The following LHFPL3 variants were observed in gnomAD, a reference collection of about 807,000 sequenced individuals.
LHFPL3 encodes LHFPL tetraspan subfamily member 3, also known as LHFPL tetraspan subfamily member 3 protein.
Under a neutral mutation model 19.3 loss-of-function variants are expected in LHFPL3, and 5 were observed. The observed-to-expected ratio is 0.26, with a 90% confidence interval of 0.14 to 0.54. The LOEUF (loss-of-function observed/expected upper bound fraction) is 0.54. Ranked by LOEUF, LHFPL3 falls within the 20% of genes least tolerant of loss-of-function variation. LHFPL3 has a pLI of 0.94. For missense variants in LHFPL3, 249 were observed against 307.4 expected (o/e 0.81, Z 1.42); for synonymous variants, 133 against 126.2 (o/e 1.05, Z -0.36).
At chr7:104,468,416 G>A (rs927947761) in intron 1 of LHFPL3, among the ~76,000 whole-genome samples, 1 of 152,224 alleles carries the variant, frequency 6.6e-6, no homozygotes, top group African/African-American at 2.4e-5. Flanking sequence ...CAGCTTGGGA[G>A]GCAGGTTGGC....
intron 1 of LHFPL3, among the ~76,000 whole-genome samples, chr7:104,735,862 T>C (rs1261761835): frequency 1.3e-5 from 2 of 152,244 alleles, no homozygotes; most frequent in African/African-American, 4.8e-5. Flanking sequence ...ACACTTTCTT[T>C]ATCAGTTCAT....
chr7:104,863,069 G>A (rs1791646818), intron 2 of LHFPL3, among the ~76,000 whole-genome samples: 2 of 152,190 alleles, frequency 1.3e-5, no homozygotes. Context: ...TTCATATTTA[G>A]CTTAATGAGC....
At chr7:104,698,251 G>A (rs1793033790) in intron 1 of LHFPL3, among the ~76,000 whole-genome samples, 1 of 152,154 alleles carries the variant, frequency 6.6e-6, no homozygotes, top group South Asian at 2.1e-4. Context: ...CAAAACAATA[G>A]CTTTTATTAT....
intron 1 of LHFPL3, among the ~76,000 whole-genome samples, chr7:104,732,209 G>C (rs1319672107): frequency 6.6e-6 from 1 of 152,182 alleles, no homozygotes; most frequent in Non-Finnish European, 1.5e-5. Context: ...TCCCTGCCAG[G>C]CTTTGGTATC....
intron 1 of LHFPL3, among the ~76,000 whole-genome samples, chr7:104,380,465 C>A (rs556174217): frequency 6.6e-6 from 1 of 152,124 alleles, no homozygotes; most frequent in South Asian, 2.1e-4. Flanking sequence ...AAACAAAAAA[C>A]CTCCAGGGCT....
intron 1 of LHFPL3, among the ~76,000 whole-genome samples, chr7:104,362,037 C>T (rs1790397787): frequency 6.6e-6 from 1 of 152,198 alleles, no homozygotes; most frequent in African/African-American, 2.4e-5. Flanking sequence ...CAGAAATGCT[C>T]CTGGACTTTT....
chr7:104,614,534 A>C (rs1381613648), intron 1 of LHFPL3, among the ~76,000 whole-genome samples: 1 of 151,952 alleles, frequency 6.6e-6, no homozygotes, highest in Admixed American at 6.6e-5. Context: ...ACTTTCTTCC[A>C]AATTCCTCCA....
At chr7:104,858,959 TTA>T (rs1791562178) in intron 2 of LHFPL3, among the ~76,000 whole-genome samples, 1 of 61,474 alleles carries the variant, frequency 1.6e-5, no homozygotes, top group Admixed American at 1.9e-4. Context: ...AAAATTTTAT[TTA>T]AAAAAAAAAA....
At chr7:104,575,264 G>A (rs79849138) in intron 1 of LHFPL3, among the ~76,000 whole-genome samples, 1 of 152,176 alleles carries the variant, frequency 6.6e-6, no homozygotes, top group East Asian at 1.9e-4. Context: ...TCAAACTATT[G>A]CTGTTTCCAC....
At chr7:104,903,622 T>G (rs1386526385) in intron 2 of LHFPL3, among the ~76,000 whole-genome samples, 5 of 152,054 alleles carry the variant, frequency 3.3e-5, no homozygotes. Flanking sequence ...CCTGCCACCA[T>G]GCCTAGCTAA....
chr7:104,814,845 CTG>C (rs1410982603), intron 2 of LHFPL3, among the ~76,000 whole-genome samples: 4 of 152,240 alleles, frequency 2.6e-5, no homozygotes, highest in African/African-American at 9.6e-5. Flanking sequence ...TGACTTTACT[CTG>C]AGATCAGAGC....
chr7:104,585,517 A>ACACACACACACACACACACACACC, intron 1 of LHFPL3, among the ~76,000 whole-genome samples: 1 of 151,196 alleles, frequency 6.6e-6, no homozygotes, highest in Non-Finnish European at 1.5e-5. Flanking sequence ...ACACACACAC[A>ACACACACACACACACACACACACC]CACACGGCCT....
intron 2 of LHFPL3, among the ~76,000 whole-genome samples, chr7:104,886,721 T>C (rs1483368254): frequency 6.6e-6 from 1 of 152,232 alleles, no homozygotes; most frequent in Non-Finnish European, 1.5e-5. Context: ...CCTCAAAAAT[T>C]ATACATTCAC....
At chr7:104,846,015 A>G (rs2116602783) in intron 2 of LHFPL3, among the ~76,000 whole-genome samples, 1 of 152,342 alleles carries the variant, frequency 6.6e-6, no homozygotes, top group East Asian at 1.9e-4. Flanking sequence ...ATGCGATGGA[A>G]ACACGTATAT....
intron 1 of LHFPL3, among the ~76,000 whole-genome samples, chr7:104,385,500 G>A (rs1790921781): frequency 1.3e-5 from 2 of 152,154 alleles, no homozygotes; most frequent in Non-Finnish European, 2.9e-5. Flanking sequence ...GCTGGATTTG[G>A]CACCAGAGTA....
intron 2 of LHFPL3, among the ~76,000 whole-genome samples, chr7:104,828,478 CAA>C (rs1491212912): frequency 6.6e-6 from 1 of 151,960 alleles, no homozygotes; most frequent in Non-Finnish European, 1.5e-5. Flanking sequence ...TGTCTGAAAC[CAA>C]GAGACCCAGA....
intron 1 of LHFPL3, among the ~76,000 whole-genome samples, chr7:104,602,026 T>TTTC (rs1790981500): frequency 7.4e-6 from 1 of 135,036 alleles, no homozygotes; most frequent in Non-Finnish European, 1.6e-5. Flanking sequence ...TTTTCTTTTT[T>TTTC]TTTTTTTTTT....
chr7:104,423,790 G>A (rs761697266), intron 1 of LHFPL3, among the ~76,000 whole-genome samples: 9 of 150,804 alleles, frequency 6.0e-5, no homozygotes, highest in Non-Finnish European at 1.0e-4. Context: ...GCAGTGAGCC[G>A]TGATCATGCC....
chr7:104,470,082 G>T, intron 1 of LHFPL3: 1 of 455,888 alleles, frequency 2.2e-6, no homozygotes, highest in Non-Finnish European at 4.4e-6. Context: ...GAATGGTAGT[G>T]AGAGGTCATA....
Sources: gnomAD v4.1 joint callset for allele counts (sites outside exome capture counted in the v4.1 genomes callset) on GRCh38, gnomAD v4.1.1 for gene constraint, MANE v1.5 for transcripts, NCBI Gene and HGNC (gene_info 2026-07-23, HGNC 2026-07-21) for gene names.